The following DLEC1 variants were observed in gnomAD, a reference collection of about 807,000 sequenced individuals.
DLEC1 encodes the protein DLEC1 cilia and flagella associated protein.
A neutral mutation model predicts 198.1 loss-of-function variants in DLEC1; 146 were observed. That is an observed-to-expected ratio of 0.74 (90% CI 0.64 to 0.85). DLEC1 has a LOEUF of 0.85. Ranked by LOEUF, DLEC1 falls within the 40% of genes least tolerant of loss-of-function variation. The pLI is 0.00. For synonymous variants in DLEC1, 897 were observed against 866.8 expected (o/e 1.03, Z -0.61); for missense variants, 2,233 against 2,220.0 (o/e 1.01, Z -0.12).
In DLEC1 at chr3:38,085,301, T is replaced by C; in HGVS notation, c.1289T>C (p.Val430Ala). 2 of 1,614,072 alleles carry C rather than the reference T, an allele frequency of 1.2e-6. No individual in the cohort carries two copies. Among genetic ancestry groups the C allele is most frequent in the Non-Finnish European group, 1.7e-6 (2 of 1,179,984 alleles). ...ATGTTCCCAGGAAAAGGTGGAATGG[T>C]GGCTCCTGGAATGACCTGCCAGTAC... ...LGMFPGKGGMVAPGMTCQYIV... is the reference protein window; with the variant it reads ...LGMFPGKGGMAAPGMTCQYIV... The change falls in exon 8 of 37, where the codon GTG becomes GCG. Residue 430 changes from valine to alanine, a missense_variant. Transcript: ENST00000308059.
At chr3:38,090,909 C>T (rs1403632465) in intron 10 of DLEC1, among the ~76,000 whole-genome samples, 1 of 152,142 alleles carries the variant, frequency 6.6e-6, no homozygotes, top group Admixed American at 6.5e-5. Context: ...AATCTTATTA[C>T]ATCTATACCC....
intron 19 of DLEC1, among the ~76,000 whole-genome samples, chr3:38,100,975 C>T (rs1043134952): frequency 6.6e-6 from 1 of 152,140 alleles, no homozygotes; most frequent in Non-Finnish European, 1.5e-5. Flanking sequence ...CCTCCGCTCC[C>T]CCACTTCCCT....
intron 16 of DLEC1, 27 bp from the exon 17 acceptor site, chr3:38,097,480 C>T (rs1699086294): frequency 1.2e-6 from 2 of 1,613,058 alleles, no homozygotes; most frequent in African/African-American, 2.7e-5. Context: ...TTCTCCTCTC[C>T]ACCTCTCCCT....
chr3:38,117,147 C>T, intron 30 of DLEC1, 47 bp downstream of exon 30: 1 of 1,614,046 alleles, frequency 6.2e-7, no homozygotes. Context: ...CTGCTCCCTC[C>T]TGGGTAGCAT....
intron 10 of DLEC1, among the ~76,000 whole-genome samples, chr3:38,091,918 A>G (rs1176674850): frequency 6.6e-6 from 1 of 152,202 alleles, no homozygotes; most frequent in African/African-American, 2.4e-5. Flanking sequence ...GTAAATTACT[A>G]CAGCCGTTAT....
intron 15 of DLEC1, 23 bp downstream of exon 15, chr3:38,096,760 C>T: frequency 1.9e-6 from 3 of 1,582,280 alleles, no homozygotes; most frequent in Non-Finnish European, 2.6e-6. Flanking sequence ...CTCTCCCCTG[C>T]CTAGGCTGGC....
intron 2 of DLEC1, among the ~76,000 whole-genome samples, chr3:38,050,675 C>T (rs1283514466): frequency 6.6e-6 from 1 of 152,174 alleles, no homozygotes; most frequent in Non-Finnish European, 1.5e-5. Context: ...GCCCCACCTC[C>T]AACTTTAGGA....
intron 28 of DLEC1, 41 bp from the exon 29 acceptor site, chr3:38,116,732 C>A: frequency 1.2e-6 from 2 of 1,608,126 alleles, no homozygotes; most frequent in Non-Finnish European, 1.7e-6. Context: ...GCTAGTTGAA[C>A]CTCAGTGACT....
At position 38,081,610 on chromosome 3, in the gene DLEC1, C is replaced by T. The variant is rs1321398707; in HGVS notation, c.1174-2548C>T. Among the ~76,000 whole-genome samples the T allele has an allele frequency of 1.1e-4, 10 of 93,212 alleles. 1 individual carries two copies. Among genetic ancestry groups the T allele is most frequent in the Non-Finnish European group, 1.7e-4 (8 of 46,236 alleles). 61.2% of individuals were successfully genotyped at this position (93,212 alleles called of 152,430 possible). On this transcript the variant is annotated intron_variant, in intron 6 of 36. Transcript: ENST00000308059. Reference sequence around the variant, plus strand: ...CTCCCGGACGGGGCGGCTGGCCGGGCGGAGGGCTGACCCCCCCACCTCCCT... The same window carrying T: ...CTCCCGGACGGGGCGGCTGGCCGGGTGGAGGGCTGACCCCCCCACCTCCCT...
chr3:38,116,679 G>A lies in DLEC1; in HGVS notation c.4062+21G>A, dbSNP rs186260813. On this transcript the variant is annotated intron_variant, in intron 28 of 36. Transcript: ENST00000308059. ...CATCAGTGAGCAGGGGTGGAGGGGC[G>A]GGGCAGGCTGGCCACTGAGGGCCAC... The A allele has an allele frequency of 1.3e-4, 217 of 1,612,874 alleles. 1 individual carries two copies. The highest frequency in any genetic ancestry group is 1.0e-3 in the South Asian group (92 of 91,050).
intron 6 of DLEC1, among the ~76,000 whole-genome samples, chr3:38,082,893 T>C (rs1465690074): frequency 2.6e-5 from 4 of 152,102 alleles, no homozygotes; most frequent in Non-Finnish European, 5.9e-5. Context: ...GTCCCTGCAA[T>C]GATTAAACAC....
At chr3:38,087,373 T>G (rs1698517110) in intron 9 of DLEC1, among the ~76,000 whole-genome samples, 2 of 114,958 alleles carry the variant, frequency 1.7e-5, no homozygotes, top group Non-Finnish European at 4.0e-5. Flanking sequence ...CCATCAGCAC[T>G]GACACCATCC....
At position 38,093,758 on chromosome 3, in the gene DLEC1, G is replaced by C; in HGVS notation, c.1910G>C (p.Arg637Thr). The C allele has an allele frequency of 1.2e-6, 2 of 1,614,084 alleles. No individual in the cohort carries two copies. Among genetic ancestry groups the C allele is most frequent in the Non-Finnish European group, 1.7e-6 (2 of 1,180,028 alleles). Residue 637 changes from arginine to threonine, a missense_variant, in exon 12 of 37, where the codon AGA becomes ACA. Physicochemically the swap from Arg to Thr is moderately conservative, Grantham distance 71. Transcript: ENST00000308059. ...RSTARKQLII[R>T]NATHVELAFY... ...ACGGCTAGGAAGCAGCTGATTATTAGAAATGCTACGTGGGTAACCCCTGTG... is the reference window on the plus strand; with the variant it reads ...ACGGCTAGGAAGCAGCTGATTATTACAAATGCTACGTGGGTAACCCCTGTG...
At chr3:38,093,857 G>A in intron 12 of DLEC1, 90 bp downstream of exon 12, 1 of 1,525,236 alleles carries the variant, frequency 6.6e-7, no homozygotes. Context: ...TCCTTCCAAG[G>A]GCCTGGGGAA....
At chr3:38,106,563 C>G (rs769443967) in intron 19 of DLEC1, among the ~76,000 whole-genome samples, 66 of 151,652 alleles carry the variant, frequency 4.4e-4, no homozygotes, top group Non-Finnish European at 7.5e-4. Context: ...TGAGACCAAC[C>G]TGGCCAACAC....
chr3:38,122,503 C>G lies in DLEC1; in HGVS notation c.*91C>G. ...CAGCTCTTCAGCACAAAGACACAGA[C>G]TTGGGGACCTGGGGACCTCTGGGCA... On this transcript the variant is annotated 3_prime_UTR_variant, in exon 37 of 37. Transcript: ENST00000308059. 6.2e-7 allele frequency: 1 copy of G among 1,612,788 alleles called. No homozygotes were observed. The highest frequency in any genetic ancestry group is 8.5e-7 in the Non-Finnish European group (1 of 1,179,748).
At chr3:38,073,654 G>A (rs918922910) in intron 6 of DLEC1, among the ~76,000 whole-genome samples, 2 of 152,120 alleles carry the variant, frequency 1.3e-5, no homozygotes, top group Non-Finnish European at 2.9e-5. Flanking sequence ...GGGCAGGTGG[G>A]GATAACTGAA....
chr3:38,120,631 A>T (rs199746496), intron 34 of DLEC1, 22 bp downstream of exon 34: 2 of 1,611,812 alleles, frequency 1.2e-6, no homozygotes, highest in African/African-American at 1.3e-5. Context: ...GCCCACCTAC[A>T]TGTGGAGGAG....
At chr3:38,078,226 C>T (rs1373004010) in intron 6 of DLEC1, among the ~76,000 whole-genome samples, 2 of 151,900 alleles carry the variant, frequency 1.3e-5, no homozygotes, top group Non-Finnish European at 2.9e-5. Flanking sequence ...CTGAAGGAGC[C>T]GGGGAGCAGA....
Sources: gnomAD v4.1 joint callset for allele counts (sites outside exome capture counted in the v4.1 genomes callset) on GRCh38, gnomAD v4.1.1 for gene constraint, MANE v1.5 for transcripts, NCBI Gene and HGNC (gene_info 2026-07-23, HGNC 2026-07-21) for gene names.